TEX9: variants seen among roughly 807,000 people sequenced by gnomAD.
TEX9 encodes the protein testis-expressed protein 9.
A neutral mutation model predicts 59.6 loss-of-function variants in TEX9; 74 were observed. The observed-to-expected ratio is 1.24, with a 90% confidence interval of 1.03 to 1.51. TEX9 has a LOEUF of 1.51. Ranked by LOEUF, TEX9 falls within the 40% of genes most tolerant of loss-of-function variation. The pLI is 0.00. For synonymous variants in TEX9, 186 were observed against 152.2 expected, an observed-to-expected ratio of 1.22 and a Z score of -1.64; for missense variants, 522 against 447.8, an observed-to-expected ratio of 1.17 and a Z score of -1.49.
intron 1 of TEX9, among the ~76,000 whole-genome samples, chr15:56,337,367 C>T (rs1252752405): frequency 1.3e-5 from 2 of 152,090 alleles, no homozygotes; most frequent in Admixed American, 1.3e-4. Context: ...CGTCTGGCAT[C>T]AACACTGGGT....
At chr15:56,314,659 A>G (rs1418740625) in intron 1 of TEX9, among the ~76,000 whole-genome samples, 1 of 152,154 alleles carries the variant, frequency 6.6e-6, no homozygotes, top group Non-Finnish European at 1.5e-5. Context: ...GTAGATATCT[A>G]TTAGGTCTTC....
At chr15:56,341,601 A>G (rs1167286294) in intron 1 of TEX9, among the ~76,000 whole-genome samples, 1 of 152,102 alleles carries the variant, frequency 6.6e-6, no homozygotes, top group Non-Finnish European at 1.5e-5. Flanking sequence ...ACTTCAGGGG[A>G]AACCCTAAAA....
chr15:56,429,273 A>G, intron 12 of TEX9: 1 of 874,670 alleles, frequency 1.1e-6, no homozygotes, highest in Non-Finnish European at 1.8e-6. Flanking sequence ...CAGACATAAG[A>G]TTAGTAAAGT....
intron 10 of TEX9, among the ~76,000 whole-genome samples, chr15:56,421,235 T>A (rs1383780958): frequency 6.6e-6 from 1 of 151,916 alleles, no homozygotes; most frequent in East Asian, 1.9e-4. Flanking sequence ...ATTAGCTATA[T>A]TAATACCCAG....
At chr15:56,364,913 G>T (rs1186532485), upstream of TEX9, among the ~76,000 whole-genome samples, 3 of 152,182 alleles carry the variant, frequency 2.0e-5, no homozygotes, top group Non-Finnish European at 2.9e-5. Flanking sequence ...AAATGAAGTG[G>T]CCGATATACA....
downstream of TEX9, among the ~76,000 whole-genome samples, chr15:56,448,846 C>G (rs1365076440): frequency 1.3e-5 from 2 of 151,192 alleles, no homozygotes; most frequent in African/African-American, 4.9e-5. Context: ...CTCCGCCACC[C>G]AGGTTCACGC....
intron 10 of TEX9, among the ~76,000 whole-genome samples, 195 bp downstream of exon 10, chr15:56,412,631 G>C (rs1219910464): frequency 2.0e-5 from 3 of 152,060 alleles, no homozygotes; most frequent in Non-Finnish European, 2.9e-5. Flanking sequence ...CGCCATTATT[G>C]GGTGATGGCA....
rs1567091351 is a variant in TEX9, at chr15:56,339,396, A to ACAAACAAAC, written c.-106-34045_-106-34044insCAAACAAAC. 2.5e-5 allele frequency among the ~76,000 whole-genome samples: 3 copies of ACAAACAAAC among 120,478 alleles called. 1 individual carries two copies. Among genetic ancestry groups the ACAAACAAAC allele is most frequent in the South Asian group, 5.7e-4 (2 of 3,490 alleles). The allele number at this position is 120,478 out of a possible 152,430, so 79.0% of individuals were successfully genotyped here. A position where few individuals can be genotyped will look rare whatever the true frequency, so the allele number is the denominator to read the frequency against. ...AGACTCCTTCTCCAAAAAAAAAAAA[A>ACAAACAAAC]AAAAAAAAAAAAAAAAAACAGGAGA... On this transcript the variant is annotated intron_variant, in intron 1 of 5. Coordinates refer to the TEX9 transcript ENST00000560827.
intron 1 of TEX9, among the ~76,000 whole-genome samples, chr15:56,246,980 A>T (rs1567060875): frequency 1.3e-5 from 2 of 152,214 alleles, no homozygotes; most frequent in South Asian, 4.1e-4. Context: ...TATCTACAAG[A>T]TGGATTGTCA....
intron 12 of TEX9, among the ~76,000 whole-genome samples, chr15:56,433,004 C>T (rs945572532): frequency 2.0e-5 from 3 of 152,118 alleles, no homozygotes; most frequent in Admixed American, 2.0e-4. Flanking sequence ...ACGGATGAGA[C>T]ATAAATAAGT....
intron 10 of TEX9, among the ~76,000 whole-genome samples, chr15:56,413,262 AAATAATTT>A (rs1361867188): frequency 7.7e-6 from 1 of 130,482 alleles, no homozygotes; most frequent in East Asian, 2.1e-4. Flanking sequence ...TTATTTAATT[AAATAATTT>A]AATAATTAAA....
chr15:56,330,801 A>G (rs2718901), intron 1 of TEX9, among the ~76,000 whole-genome samples: 64,826 of 151,756 alleles, frequency 0.43, 14,016 homozygotes, highest in Non-Finnish European at 0.45. Context: ...GTAAGTTCTT[A>G]CTTTTTAATA....
the TEX9 span, among the ~76,000 whole-genome samples, chr15:56,452,434 C>A: frequency 6.6e-6 from 1 of 152,030 alleles, no homozygotes; most frequent in East Asian, 1.9e-4. Context: ...AACTTAGGCA[C>A]CCTCTACTTA....
chr15:56,281,343 G>A (rs1200559003), intron 1 of TEX9, among the ~76,000 whole-genome samples: 1 of 152,226 alleles, frequency 6.6e-6, no homozygotes, highest in African/African-American at 2.4e-5. Context: ...GTTAGGAACT[G>A]GGCTGCACAG....
At chr15:56,317,718 C>T (rs1355764834) in intron 1 of TEX9, among the ~76,000 whole-genome samples, 1 of 152,122 alleles carries the variant, frequency 6.6e-6, no homozygotes, top group African/African-American at 2.4e-5. Flanking sequence ...CTTTCATTTT[C>T]ATTAATCTCA....
chr15:56,256,911 AT>A (rs201717758), intron 1 of TEX9, among the ~76,000 whole-genome samples: 64 of 150,644 alleles, frequency 4.2e-4, no homozygotes, highest in Non-Finnish European at 7.6e-4. Context: ...TTCATTACTT[AT>A]TTTTTTTTGA....
chr15:56,267,662 G>A (rs2044419565), intron 1 of TEX9, among the ~76,000 whole-genome samples: 1 of 152,042 alleles, frequency 6.6e-6, no homozygotes, highest in Admixed American at 6.5e-5. Flanking sequence ...ATTTCTGAGG[G>A]CTCTGTTCTG....
intron 10 of TEX9, among the ~76,000 whole-genome samples, chr15:56,419,789 T>G (rs556992342): frequency 6.6e-6 from 1 of 152,038 alleles, no homozygotes; most frequent in East Asian, 1.9e-4. Context: ...TTAAATGAAC[T>G]TCCAAATCAT....
At chr15:56,252,370 T>A (rs2044042042) in intron 1 of TEX9, among the ~76,000 whole-genome samples, 1 of 124,614 alleles carries the variant, frequency 8.0e-6, no homozygotes, top group African/African-American at 3.0e-5. Context: ...ATTGAGCTAT[T>A]AGAAAAACCT....
Sources: gnomAD v4.1 joint callset for allele counts (sites outside exome capture counted in the v4.1 genomes callset) on GRCh38, gnomAD v4.1.1 for gene constraint, MANE v1.5 for transcripts, NCBI Gene and HGNC (gene_info 2026-07-23, HGNC 2026-07-21) for gene names.